CENPP: variants seen among roughly 807,000 people sequenced by gnomAD.
CENPP encodes centromere protein P.
In CENPP, 24 loss-of-function variants were observed where a neutral mutation model predicts 35.6. That is an observed-to-expected ratio of 0.67 (90% confidence interval 0.49 to 0.95). The LOEUF (loss-of-function observed/expected upper bound fraction) is 0.95. CENPP is among the 40% of genes least tolerant of loss of function. The probability of loss-of-function intolerance (pLI) is 0.00; values close to 1 mark genes in which losing one functional copy is unlikely to be tolerated. For synonymous variants in CENPP, 120 were observed against 125.5 expected (o/e 0.96, Z 0.29); for missense variants, 332 against 345.3 (o/e 0.96, Z 0.31).
intron 5 of CENPP, chr9:92,464,687 A>C: frequency 3.1e-6 from 2 of 649,442 alleles, no homozygotes; most frequent in Non-Finnish European, 5.7e-6. Flanking sequence ...CTAAAAGTTC[A>C]TTGCTTCTTA....
chr9:92,549,464 T>G (rs962875060), intron 5 of CENPP, among the ~76,000 whole-genome samples: 1 of 152,104 alleles, frequency 6.6e-6, no homozygotes, highest in East Asian at 1.9e-4. Context: ...CTGGCCAATG[T>G]GGTGAAACAC....
At chr9:92,545,792 C>T (rs550380316) in intron 5 of CENPP, among the ~76,000 whole-genome samples, 6 of 152,186 alleles carry the variant, frequency 3.9e-5, no homozygotes, top group South Asian at 2.1e-4. Context: ...GTCAGCACTC[C>T]GTGTCTAGCT....
intron 5 of CENPP, among the ~76,000 whole-genome samples, chr9:92,395,754 C>T (rs1402798360): frequency 6.6e-6 from 1 of 150,778 alleles, no homozygotes; most frequent in Non-Finnish European, 1.5e-5. Context: ...TTTGTATTCT[C>T]TGATAACTAA....
intron 5 of CENPP, among the ~76,000 whole-genome samples, chr9:92,565,680 A>G (rs1295004614): frequency 1.3e-5 from 2 of 152,168 alleles, no homozygotes; most frequent in Non-Finnish European, 2.9e-5. Flanking sequence ...AACGGCTAGC[A>G]CCCTGTCTCC....
intron 5 of CENPP, among the ~76,000 whole-genome samples, chr9:92,458,764 G>A (rs754095093): frequency 2.0e-5 from 3 of 152,206 alleles, no homozygotes; most frequent in Non-Finnish European, 2.9e-5. Flanking sequence ...TCAAGTTGTA[G>A]TCACTGGCTA....
intron 5 of CENPP, among the ~76,000 whole-genome samples, chr9:92,554,163 T>A (rs983822995): frequency 6.6e-6 from 1 of 151,826 alleles, no homozygotes; most frequent in Non-Finnish European, 1.5e-5. Flanking sequence ...CTATTAAGAT[T>A]ATCATGTGAT....
intron 3 of CENPP, among the ~76,000 whole-genome samples, chr9:92,338,173 G>A (rs752527874): frequency 1.3e-5 from 2 of 151,990 alleles, no homozygotes; most frequent in Non-Finnish European, 2.9e-5. Context: ...TTAGCCAGGC[G>A]TGGTGGTGCG....
At chr9:92,417,420 G>A in intron 5 of CENPP, 1 of 1,614,044 alleles carries the variant, frequency 6.2e-7, no homozygotes, top group Non-Finnish European at 8.5e-7. Flanking sequence ...TCTACATTTT[G>A]ACGAAATGGG....
chr9:92,388,029 G>T (rs1228233801), intron 5 of CENPP, among the ~76,000 whole-genome samples: 1 of 152,074 alleles, frequency 6.6e-6, no homozygotes, highest in Non-Finnish European at 1.5e-5. Flanking sequence ...CTCCCAAAGT[G>T]CTAGGATTAC....
chr9:92,380,591 A>G (rs960360550), intron 5 of CENPP, among the ~76,000 whole-genome samples: 1 of 151,844 alleles, frequency 6.6e-6, no homozygotes, highest in African/African-American at 2.4e-5. Flanking sequence ...TATTTATTCT[A>G]TTTGGTTGAG....
At chr9:92,469,283 T>C (rs551944513) in intron 5 of CENPP, among the ~76,000 whole-genome samples, 1 of 152,346 alleles carries the variant, frequency 6.6e-6, no homozygotes, top group East Asian at 1.9e-4. Context: ...CTGAGCTGCC[T>C]GCACACTTTG....
At chr9:92,581,967 T>C (rs1316035820) in intron 5 of CENPP, among the ~76,000 whole-genome samples, 1 of 152,172 alleles carries the variant, frequency 6.6e-6, no homozygotes, top group Non-Finnish European at 1.5e-5. Flanking sequence ...ATGTCTAAGG[T>C]AACCCCTTAA....
At chr9:92,336,812 G>A (rs1056396016) in intron 2 of CENPP, among the ~76,000 whole-genome samples, 3 of 152,128 alleles carry the variant, frequency 2.0e-5, no homozygotes, top group Non-Finnish European at 4.4e-5. Flanking sequence ...GGCATTTTAT[G>A]CATTCAAATG....
intron 5 of CENPP, among the ~76,000 whole-genome samples, chr9:92,381,780 A>G (rs1233317475): frequency 6.6e-6 from 1 of 152,060 alleles, no homozygotes; most frequent in African/African-American, 2.4e-5. Context: ...TGGTAATTCT[A>G]TGTTTAATTA....
intron 5 of CENPP, among the ~76,000 whole-genome samples, chr9:92,590,894 G>C (rs992821644): frequency 2.6e-5 from 4 of 152,210 alleles, no homozygotes; most frequent in African/African-American, 9.7e-5. Context: ...ATTCAAACGT[G>C]ATGCAGCTAA....
At chr9:92,390,416 T>A (rs1055201835) in intron 5 of CENPP, among the ~76,000 whole-genome samples, 1 of 151,638 alleles carries the variant, frequency 6.6e-6, no homozygotes, top group African/African-American at 2.4e-5. Flanking sequence ...AATCATGTAA[T>A]TTTTTTTATT....
chr9:92,583,990 C>G (rs1268740180), intron 5 of CENPP, among the ~76,000 whole-genome samples: 1 of 152,184 alleles, frequency 6.6e-6, no homozygotes, highest in East Asian at 1.9e-4. Flanking sequence ...GTTTCTTGAA[C>G]CATTACAAGC....
chr9:92,495,345 G>T, intron 5 of CENPP: 1 of 940,128 alleles, frequency 1.1e-6, no homozygotes, highest in Non-Finnish European at 1.3e-6. Flanking sequence ...ATATGATTTT[G>T]GTAGGGCCAA....
At chr9:92,333,070 CT>C (rs1173361216) in intron 2 of CENPP, among the ~76,000 whole-genome samples, 1 of 152,112 alleles carries the variant, frequency 6.6e-6, no homozygotes, top group East Asian at 1.9e-4. Context: ...GCAGCTGGAC[CT>C]TTTGCTGGAA....
Sources: gnomAD v4.1 joint callset for allele counts (sites outside exome capture counted in the v4.1 genomes callset) on GRCh38, gnomAD v4.1.1 for gene constraint, MANE v1.5 for transcripts, NCBI Gene and HGNC (gene_info 2026-07-23, HGNC 2026-07-21) for gene names.